Variants in RNF115 observed in about 807,000 individuals in gnomAD.
RNF115 encodes ring finger protein 115, also known as E3 ubiquitin-protein ligase RNF115.
Under a neutral mutation model 39.2 loss-of-function variants are expected in RNF115, and 31 were observed. The ratio of observed to expected loss-of-function variants is 0.79; its 90% confidence interval spans 0.59 to 1.07. The LOEUF (loss-of-function observed/expected upper bound fraction) is 1.07. RNF115 is among the 50% of genes least tolerant of loss of function. The pLI is 0.00. For synonymous variants in RNF115, 124 were observed against 131.0 expected, an observed-to-expected ratio of 0.95 and a Z score of 0.37; for missense variants, 384 against 381.7, an observed-to-expected ratio of 1.01 and a Z score of -0.05.
chr1:145,742,735 AG>A lies in RNF115; in HGVS notation c.*4130del, dbSNP rs1337027874. 3.9e-5 allele frequency: 6 copies of A among 152,220 alleles called. No individual in the cohort carries two copies. The highest frequency in any genetic ancestry group is 8.8e-5 in the Non-Finnish European group (6 of 68,034). The allele number at this position is 152,220 out of a possible 1,614,324, so 9.4% of individuals were successfully genotyped here. A position where few individuals can be genotyped will look rare whatever the true frequency, so the allele number is the denominator to read the frequency against. On this transcript the variant is annotated 3_prime_UTR_variant, in exon 9 of 9. Transcript: ENST00000582693. ...ACATATATAAAAATGTGCAATACAA[AG>A]ACATAAGCAAGGAGTTTTTCCTAAT...
intron 1 of RNF115, among the ~76,000 whole-genome samples, chr1:145,801,912 C>T (rs141814585): frequency 4.3e-4 from 66 of 152,200 alleles, no homozygotes; most frequent in African/African-American, 1.5e-3. Flanking sequence ...CTCAGCCTCC[C>T]GAGTAGCTGG....
At chr1:145,753,224 A>G (rs115971372) in intron 4 of RNF115, among the ~76,000 whole-genome samples, 175 bp from the exon 5 acceptor site, 1 of 152,330 alleles carries the variant, frequency 6.6e-6, no homozygotes, top group African/African-American at 2.4e-5. Flanking sequence ...CTATTTTGCT[A>G]TTATGGCTAT....
chr1:145,806,427 G>C (rs1223526389), intron 1 of RNF115, among the ~76,000 whole-genome samples: 1 of 152,062 alleles, frequency 6.6e-6, no homozygotes, highest in African/African-American at 2.4e-5. Context: ...TTTAAATCCT[G>C]ATTTTACTAC....
chr1:145,764,533 C>G (rs1273654557), intron 4 of RNF115, among the ~76,000 whole-genome samples: 1 of 151,446 alleles, frequency 6.6e-6, no homozygotes, highest in East Asian at 2.0e-4. Flanking sequence ...GCAGCCGCCC[C>G]GTCTGAGAAG....
chr1:145,793,802 G>C (rs892767710), intron 1 of RNF115, among the ~76,000 whole-genome samples: 25 of 150,420 alleles, frequency 1.7e-4, no homozygotes, highest in Non-Finnish European at 3.1e-4. Context: ...CTTAACCCAA[G>C]CCAGCACTGG....
chr1:145,788,678 C>G lies in RNF115; in HGVS notation c.161+230G>C, dbSNP rs1022836316. The G allele has an allele frequency of 3.4e-5, 22 of 650,240 alleles. No homozygotes were observed. In the African/African-American group the frequency reaches 3.6e-4, roughly 11 times the overall value. The allele number at this position is 650,240 out of a possible 1,614,324, so 40.3% of individuals were successfully genotyped here. ...ACATACAATCAGGAGCAGTGCGTAT[C>G]ACCACATCTGCTATGATATCACTTT... is the stretch of plus-strand genomic sequence containing the variant. On this transcript the variant is annotated intron_variant, in intron 2 of 8. Coordinates refer to ENST00000582693, the MANE Select transcript of RNF115 (RefSeq NM_014455.4).
chr1:145,740,820 T>A lies in RNF115; in HGVS notation c.*6046A>T, dbSNP rs1159286847. On this transcript the variant is annotated 3_prime_UTR_variant, in exon 9 of 9. Transcript: ENST00000582693. ...AAATACTAATAATATGGCTATCAAGTTGTTGGAAGGGAATCTAATAATTTG... is the reference window on the plus strand; with the variant it reads ...AAATACTAATAATATGGCTATCAAGATGTTGGAAGGGAATCTAATAATTTG... The A allele has an allele frequency of 6.6e-6, 1 of 152,192 alleles. No individual in the cohort carries two copies. Among genetic ancestry groups the A allele is most frequent in the Non-Finnish European group, 1.5e-5 (1 of 68,032 alleles). 9.4% of individuals were successfully genotyped at this position (152,192 alleles called of 1,614,324 possible).
At chr1:145,808,466 T>C (rs587626043) in intron 1 of RNF115, among the ~76,000 whole-genome samples, 1 of 152,342 alleles carries the variant, frequency 6.6e-6, no homozygotes, top group South Asian at 2.1e-4. Flanking sequence ...TTCATATACC[T>C]GTTGGCCATT....
intron 1 of RNF115, among the ~76,000 whole-genome samples, chr1:145,795,366 TGCTGCTGCTG>T (rs1262877917): frequency 2.0e-5 from 3 of 152,116 alleles, no homozygotes; most frequent in Admixed American, 6.6e-5. Context: ...CCAAGCTGCT[TGCTGCTGCTG>T]GCTGGTACGG....
In RNF115 at chr1:145,743,881, C is replaced by A. The variant is rs1212267853; in HGVS notation, c.*2985G>T. 6.6e-6 allele frequency: 1 copy of A among 151,878 alleles called. No individual in the cohort carries two copies. The highest frequency in any genetic ancestry group is 2.4e-5 in the African/African-American group (1 of 41,350). The allele number at this position is 151,878 out of a possible 1,614,324, so 9.4% of individuals were successfully genotyped here. ...CCTCAACATAAATTAACCTGGACAT[C>A]TGAGGTGCCTGCCATTATAAGAAGA... On this transcript the variant is annotated 3_prime_UTR_variant, in exon 9 of 9. Transcript: ENST00000582693.
chr1:145,767,075 C>T (rs1178423213), intron 4 of RNF115, among the ~76,000 whole-genome samples: 1 of 148,510 alleles, frequency 6.7e-6, no homozygotes, highest in South Asian at 2.1e-4. Flanking sequence ...GGGGGCTGAC[C>T]CCCCCACCTC....
At chr1:145,801,087 C>T (rs1649223346) in intron 1 of RNF115, among the ~76,000 whole-genome samples, 1 of 152,080 alleles carries the variant, frequency 6.6e-6, no homozygotes. Context: ...AGGAGAATGG[C>T]ATGAACCCAA....
chr1:145,799,615 T>TGG (rs1649139640), intron 1 of RNF115, among the ~76,000 whole-genome samples: 1 of 35,782 alleles, frequency 2.8e-5, no homozygotes, highest in Non-Finnish European at 5.4e-5. Flanking sequence ...GGGGAGGGGG[T>TGG]GGGTGAGGGT....
intron 4 of RNF115, among the ~76,000 whole-genome samples, chr1:145,755,583 T>C (rs1553713064): frequency 6.6e-6 from 1 of 152,132 alleles, no homozygotes; most frequent in African/African-American, 2.4e-5. Flanking sequence ...TAATTTGTTA[T>C]ATGGCAATAG....
chr1:145,767,990 C>G (rs1316977698), intron 4 of RNF115, among the ~76,000 whole-genome samples: 7 of 151,658 alleles, frequency 4.6e-5, no homozygotes, highest in Non-Finnish European at 7.4e-5. Context: ...AGAGGGAGAC[C>G]GTGGGGAGAG....
chr1:145,780,328 T>C (rs782301017), intron 3 of RNF115, among the ~76,000 whole-genome samples: 4 of 151,754 alleles, frequency 2.6e-5, no homozygotes, highest in Non-Finnish European at 5.9e-5. Flanking sequence ...GCTCTTAGAA[T>C]AGTGAAACTC....
chr1:145,788,919 T>C lies in RNF115; in HGVS notation c.150A>G (p.Thr50=). 1.3e-6 allele frequency: 2 copies of C among 1,596,424 alleles called. No individual in the cohort carries two copies. The highest frequency in any genetic ancestry group is 1.7e-6 in the Non-Finnish European group (2 of 1,166,592). ...AGCTTGTACAATACCTGGAATCATC[T>C]GTCACTTCTTCAATAAAGCCTGATT... ...RCESGFIEEV[T]DDSSFLGGGG... The change falls in exon 2 of 9, where the codon ACA becomes ACG. Residue 50 remains threonine, a synonymous_variant. Coordinates refer to ENST00000582693, the MANE Select transcript of RNF115 (RefSeq NM_014455.4).
intron 1 of RNF115, among the ~76,000 whole-genome samples, chr1:145,799,072 CTTT>C (rs200462957): frequency 5.8e-5 from 8 of 136,974 alleles, no homozygotes; most frequent in Admixed American, 7.4e-5. Context: ...TTAGGGTTTT[CTTT>C]TTTTTTTTTT....
Position 145,750,444 on chromosome 1 carries a change from T to G in RNF115, c.630A>C (p.Thr210=). The G allele has an allele frequency of 6.2e-7, 1 of 1,614,014 alleles. No homozygotes were observed. Among genetic ancestry groups the G allele is most frequent in the Non-Finnish European group, 8.5e-7 (1 of 1,179,920 alleles). ...GPPPADKEKI[T]SLPTVTVTQE... is the part of the protein sequence containing the mutation. ...GAGTTACTGTCACTGTTGGAAGAGA[T>G]GTGATCTTTTCCTTGTCAGCTGGGG... The change falls in exon 7 of 9, where the codon ACA becomes ACC. Residue 210 remains threonine, a synonymous_variant. Coordinates refer to ENST00000582693, the MANE Select transcript of RNF115 (RefSeq NM_014455.4).
Sources: gnomAD v4.1 joint callset for allele counts (sites outside exome capture counted in the v4.1 genomes callset) on GRCh38, gnomAD v4.1.1 for gene constraint, MANE v1.5 for transcripts, NCBI Gene and HGNC (gene_info 2026-07-23, HGNC 2026-07-21) for gene names.